The following NEK7 variants were observed in gnomAD, a reference collection of about 807,000 sequenced individuals.
The protein encoded by NEK7 is NIMA related kinase 7.
In NEK7, 18 loss-of-function variants were observed where a neutral mutation model predicts 44.6. The observed-to-expected ratio is 0.40, with a 90% CI of 0.28 to 0.60. The LOEUF is 0.60. NEK7 is among the 20% of genes least tolerant of loss of function. The pLI is 0.38. For synonymous variants in NEK7, 130 were observed against 121.1 expected, an observed-to-expected ratio of 1.07 and a Z score of -0.48; for missense variants, 256 against 366.5, an observed-to-expected ratio of 0.70 and a Z score of 2.46.
intron 1 of NEK7, among the ~76,000 whole-genome samples, chr1:198,228,609 T>C (rs1285491660): frequency 1.3e-5 from 2 of 152,158 alleles, no homozygotes; most frequent in Non-Finnish European, 2.9e-5. Context: ...GATTCCTAGG[T>C]ATTTTATTCT....
intron 7 of NEK7, among the ~76,000 whole-genome samples, chr1:198,286,422 CT>C (rs34104462): frequency 6.3e-3 from 904 of 142,730 alleles, no homozygotes; most frequent in African/African-American, 9.5e-3. Context: ...AGAGGTCACA[CT>C]TTTTTTTTTT....
intron 8 of NEK7, among the ~76,000 whole-genome samples, chr1:198,295,512 T>A (rs1654688079): frequency 6.6e-6 from 1 of 152,024 alleles, no homozygotes; most frequent in African/African-American, 2.4e-5. Context: ...ACCAGATGAA[T>A]AGTGCAAAAG....
intron 2 of NEK7, among the ~76,000 whole-genome samples, chr1:198,236,742 C>T (rs1385158039): frequency 2.0e-5 from 3 of 152,116 alleles, no homozygotes; most frequent in Non-Finnish European, 4.4e-5. Context: ...AAAGGCCAAC[C>T]CTCCCATGTG....
At chr1:198,256,317 T>A in intron 3 of NEK7, 2 of 1,597,014 alleles carry the variant, frequency 1.3e-6, no homozygotes, top group Non-Finnish European at 1.7e-6. Context: ...GCTCTGGCCA[T>A]TTTCCTGCAG....
chr1:198,203,737 A>ACC (rs35552620), intron 1 of NEK7, among the ~76,000 whole-genome samples: 1 of 152,060 alleles, frequency 6.6e-6, no homozygotes, highest in East Asian at 1.9e-4. Context: ...AATGAACCTC[A>ACC]CCCCCCACAT....
At chr1:198,167,574 T>C (rs6660535) in intron 1 of NEK7, among the ~76,000 whole-genome samples, 26,031 of 152,174 alleles carry the variant, frequency 0.17, 2,832 homozygotes, top group East Asian at 0.58. Context: ...CTGCTTAGGC[T>C]GTGTACTGTT....
intron 2 of NEK7, among the ~76,000 whole-genome samples, chr1:198,245,906 A>G (rs1666822604): frequency 6.6e-6 from 1 of 152,164 alleles, no homozygotes; most frequent in Non-Finnish European, 1.5e-5. Context: ...TATATTTCAT[A>G]TTGATTTGAA....
intron 1 of NEK7, among the ~76,000 whole-genome samples, chr1:198,196,789 A>C (rs1009537119): frequency 3.3e-5 from 5 of 152,218 alleles, no homozygotes; most frequent in Non-Finnish European, 7.3e-5. Flanking sequence ...AGTCCAGCTG[A>C]AAGACTGGCT....
intron 1 of NEK7, among the ~76,000 whole-genome samples, chr1:198,218,516 G>T (rs910292918): frequency 6.6e-6 from 1 of 151,612 alleles, no homozygotes; most frequent in South Asian, 2.1e-4. Flanking sequence ...TCTAGGTAAA[G>T]AATTTATGAT....
At chr1:198,213,911 A>G (rs1665847904) in intron 1 of NEK7, among the ~76,000 whole-genome samples, 4 of 152,164 alleles carry the variant, frequency 2.6e-5, no homozygotes, top group Admixed American at 2.6e-4. Context: ...AGTGTATAAA[A>G]TATTGGAGAA....
rs1558069041 is a variant in NEK7, at chr1:198,232,603, T to C, written c.23T>C (p.Met8Thr). ...ACAATGGATGAGCAATCACAAGGAATGCAAGGGCCACCTGTTCCTCAGTTC... is the reference window on the plus strand; with the variant it reads ...ACAATGGATGAGCAATCACAAGGAACGCAAGGGCCACCTGTTCCTCAGTTC... MDEQSQG[M>T]QGPPVPQFQP... is the part of the protein sequence containing the mutation. Residue 8 changes from methionine to threonine, a missense_variant, in exon 2 of 10, where the codon ATG becomes ACG. Around this residue, in one of 3 missense-constraint regions of NEK7, gnomAD observed 96 missense variants for 94.9 expected, o/e 1.01. Coordinates refer to ENST00000367385, the MANE Select transcript of NEK7 (RefSeq NM_133494.3). 5 of 1,607,408 alleles carry C rather than the reference T, an allele frequency of 3.1e-6. No individual in the cohort carries two copies. In the South Asian group the frequency reaches 3.3e-5, roughly 11 times the overall value.
intron 9 of NEK7, among the ~76,000 whole-genome samples, chr1:198,316,087 G>C (rs774722135): frequency 1.8e-4 from 28 of 152,304 alleles, no homozygotes; most frequent in Non-Finnish European, 2.9e-4. Context: ...AAACTAGGAA[G>C]AAAACGTCAG....
chr1:198,197,443 G>A (rs756168233), intron 1 of NEK7, among the ~76,000 whole-genome samples: 2 of 152,174 alleles, frequency 1.3e-5, no homozygotes, highest in Non-Finnish European at 2.9e-5. Context: ...TTTTATCGAA[G>A]TGCAACAAAC....
intron 1 of NEK7, among the ~76,000 whole-genome samples, chr1:198,176,571 T>C (rs1274779128): frequency 8.1e-6 from 1 of 123,064 alleles, no homozygotes; most frequent in Non-Finnish European, 1.7e-5. Flanking sequence ...ATGACATAGA[T>C]TTTCATCTTA....
At chr1:198,312,066 C>G (rs1655204624) in intron 9 of NEK7, among the ~76,000 whole-genome samples, 1 of 152,250 alleles carries the variant, frequency 6.6e-6, no homozygotes, top group South Asian at 2.1e-4. Flanking sequence ...TCCATCTGGT[C>G]CTGGACTCTT....
intron 8 of NEK7, among the ~76,000 whole-genome samples, chr1:198,295,806 CTATTAT>C (rs35583566): frequency 0.37 from 54,001 of 146,236 alleles, 11,642 homozygotes; most frequent in East Asian, 0.84. Flanking sequence ...ACAAAAACCA[CTATTAT>C]TATTATTATT....
intron 5 of NEK7, among the ~76,000 whole-genome samples, chr1:198,270,254 A>G (rs749675523): frequency 1.3e-5 from 2 of 152,042 alleles, no homozygotes; most frequent in Non-Finnish European, 2.9e-5. Flanking sequence ...GCCTGTATTT[A>G]TAACTACCTA....
intron 7 of NEK7, 126 bp downstream of exon 7, chr1:198,279,187 G>A: frequency 3.6e-6 from 2 of 561,348 alleles, no homozygotes; most frequent in Non-Finnish European, 6.3e-6. Context: ...ACCAGGTCCT[G>A]AACAGATGCC....
chr1:198,206,087 A>G (rs1254789424), intron 1 of NEK7, among the ~76,000 whole-genome samples: 1 of 152,188 alleles, frequency 6.6e-6, no homozygotes. Context: ...ATTTTTGAAG[A>G]CATCATGTTT....
Sources: gnomAD v4.1 joint callset for allele counts (sites outside exome capture counted in the v4.1 genomes callset) on GRCh38, gnomAD v4.1.1 for gene constraint, gnomAD v4.1.1 regional missense constraint, MANE v1.5 for transcripts, NCBI Gene and HGNC (gene_info 2026-07-23, HGNC 2026-07-21) for gene names.